MMAA: variants seen among roughly 807,000 people sequenced by gnomAD.
The protein encoded by MMAA is metabolism of cobalamin associated A.
MMAA carries 41 observed loss-of-function variants against 45.0 expected under a neutral mutation model. The ratio of observed to expected loss-of-function variants is 0.91; its 90% CI spans 0.71 to 1.18. The LOEUF is 1.18. MMAA is among the 50% of genes most tolerant of loss of function. The pLI is 0.00. For synonymous variants in MMAA, 154 were observed against 178.2 expected (o/e 0.86, Z 1.08); for missense variants, 460 against 495.7 (o/e 0.93, Z 0.68).
chr4:145,640,253 C>T (rs993784200), intron 2 of MMAA, among the ~76,000 whole-genome samples: 4 of 152,116 alleles, frequency 2.6e-5, no homozygotes, highest in Admixed American at 6.5e-5. Context: ...GCTAGGATTA[C>T]AGGCATGCAC....
chr4:145,649,923 A>G (rs773752806), intron 4 of MMAA, among the ~76,000 whole-genome samples: 24 of 152,144 alleles, frequency 1.6e-4, no homozygotes, highest in Non-Finnish European at 2.6e-4. Context: ...GACTACAGGT[A>G]TACCACCATG....
intron 1 of MMAA, among the ~76,000 whole-genome samples, chr4:145,635,388 A>G (rs926591214): frequency 3.9e-5 from 6 of 152,112 alleles, no homozygotes; most frequent in Non-Finnish European, 7.4e-5. Flanking sequence ...CAGAATTGCT[A>G]TCCCTCTCCC....
At chr4:145,649,534 A>G (rs771041624) in intron 4 of MMAA, among the ~76,000 whole-genome samples, 2 of 152,210 alleles carry the variant, frequency 1.3e-5, no homozygotes, top group Non-Finnish European at 2.9e-5. Context: ...GGGTGGCATA[A>G]GAGGTATAGC....
At chr4:145,636,153 C>T (rs1370682813) in intron 1 of MMAA, among the ~76,000 whole-genome samples, 2 of 152,208 alleles carry the variant, frequency 1.3e-5, no homozygotes, top group African/African-American at 4.8e-5. Flanking sequence ...AAGTTCAGAT[C>T]AGCAGCAGCT....
chr4:145,651,406 C>T (rs894831249), intron 5 of MMAA, among the ~76,000 whole-genome samples: 6 of 152,130 alleles, frequency 3.9e-5, no homozygotes, highest in Admixed American at 2.0e-4. Context: ...ATACATGGAT[C>T]GCTCCAGCCA....
intron 1 of MMAA, among the ~76,000 whole-genome samples, chr4:145,633,791 C>G (rs1005753106): frequency 6.6e-6 from 1 of 152,238 alleles, no homozygotes; most frequent in African/African-American, 2.4e-5. Flanking sequence ...GCCATATCTG[C>G]ATTTTGGGGC....
rs965827040 is a variant in MMAA, at chr4:145,639,506, C to T, written c.367C>T (p.Leu123Phe). The T allele has an allele frequency of 3.7e-6, 6 of 1,613,768 alleles. No homozygotes were observed. In the African/African-American group the frequency reaches 6.7e-5, roughly 18 times the overall value. Reference protein sequence around the residue: ...SRKKELAQVLLQKVLLYHREQ... With the variant: ...SRKKELAQVLFQKVLLYHREQ... ...GAAAAAGGAGTTAGCCCAGGTGCTT[C>T]TTCAGAAAGTATTACTTTACCACAG... is the stretch of plus-strand genomic sequence containing the variant. The change falls in exon 2 of 7, where the codon CTT becomes TTT. Residue 123 changes from leucine to phenylalanine, a missense_variant. Coordinates refer to ENST00000649156, the MANE Select transcript of MMAA (RefSeq NM_172250.3).
rs1029107050 is a variant in MMAA at position 145,658,373 on chromosome 4, A to G, written c.*2939A>G. 6.6e-5 allele frequency: 10 copies of G among 152,228 alleles called. No individual in the cohort carries two copies. Among genetic ancestry groups the G allele is most frequent in the Admixed American group, 1.3e-4 (2 of 15,290 alleles). The allele number at this position is 152,228 out of a possible 1,614,324, so 9.4% of individuals were successfully genotyped here. ...GTCCATCTTAAAAAGATAATTCTGA[A>G]AAAAATCTCATAGGTTCACTTTGCC... On this transcript the variant is annotated 3_prime_UTR_variant, in exon 7 of 7. Coordinates refer to ENST00000649156, the MANE Select transcript of MMAA (RefSeq NM_172250.3).
chr4:145,642,711 T>A (rs1320651019), intron 3 of MMAA: 1 of 546,078 alleles, frequency 1.8e-6, no homozygotes, highest in Non-Finnish European at 3.3e-6. Flanking sequence ...CTCAGAAAAC[T>A]GCGACAACAG....
At chr4:145,624,965 C>A in intron 1 of MMAA, 1 of 1,095,480 alleles carries the variant, frequency 9.1e-7, no homozygotes, top group Non-Finnish European at 1.4e-6. Flanking sequence ...GGGCTGGTTT[C>A]CCTGACAGTT....
intron 1 of MMAA, among the ~76,000 whole-genome samples, chr4:145,623,263 T>C (rs1379655563): frequency 3.9e-5 from 6 of 152,202 alleles, no homozygotes; most frequent in African/African-American, 1.4e-4. Flanking sequence ...TCCACTTCCA[T>C]TACCCAGGAT....
At position 145,659,890 on chromosome 4, in the gene MMAA, C is replaced by CAATA. The variant is rs1282961619; in HGVS notation, c.*4457_*4460dup. 6.6e-6 allele frequency: 1 copy of CAATA among 152,116 alleles called. No homozygotes were observed. Among genetic ancestry groups the CAATA allele is most frequent in the Non-Finnish European group, 1.5e-5 (1 of 68,020 alleles). 9.4% of individuals were successfully genotyped at this position (152,116 alleles called of 1,614,324 possible). On this transcript the variant is annotated 3_prime_UTR_variant, in exon 7 of 7. Coordinates refer to ENST00000649156, the MANE Select transcript of MMAA (RefSeq NM_172250.3). The stretch of plus-strand genomic sequence containing the variant: ...TGCGAACCATAGTCACCCTACTGTG[C>CAATA]AATAGAACACCTGAACTTATTCCTC...
intron 1 of MMAA, among the ~76,000 whole-genome samples, chr4:145,633,121 T>G (rs933618130): frequency 2.0e-5 from 3 of 151,718 alleles, no homozygotes; most frequent in African/African-American, 4.8e-5. Context: ...AGTATGCCAG[T>G]TGCATTTAAT....
chr4:145,643,185 T>A (rs186837453), intron 3 of MMAA, among the ~76,000 whole-genome samples: 68 of 152,186 alleles, frequency 4.5e-4, no homozygotes, highest in Non-Finnish European at 4.4e-4. Flanking sequence ...ACAGGAAAGG[T>A]TTTTTCTTCC....
chr4:145,655,360 A>T lies in MMAA; in HGVS notation c.1183A>T (p.Lys395Ter). 1 of 1,614,204 alleles carries T rather than the reference A, an allele frequency of 6.2e-7. No individual in the cohort carries two copies. The highest frequency in any genetic ancestry group is 8.5e-7 in the Non-Finnish European group (1 of 1,180,024). The change falls in exon 7 of 7, where the codon AAG becomes TAG. Residue 395 changes from lysine to a stop codon, truncating the protein, a stop_gained. Coordinates refer to ENST00000649156, the MANE Select transcript of MMAA (RefSeq NM_172250.3). LOFTEE classifies it high-confidence loss of function. ...GGAACAGATTCCACTTCTGGAACAA[A>T]AGGTTCTCATTGGGGCCCTGTCCCC... ...VREQIPLLEQKVLIGALSPGL... is the reference protein window; with the variant it reads ...VREQIPLLEQ
chr4:145,633,196 CTTTTTTTT>C (rs941603291), intron 1 of MMAA, among the ~76,000 whole-genome samples: 2 of 88,474 alleles, frequency 2.3e-5, no homozygotes, highest in African/African-American at 9.9e-5. Context: ...ATTTCTTTTT[CTTTTTTTT>C]TTTTTTTTTT....
intron 3 of MMAA, among the ~76,000 whole-genome samples, chr4:145,643,611 C>T (rs1440333256): frequency 6.6e-6 from 1 of 152,050 alleles, no homozygotes; most frequent in Non-Finnish European, 1.5e-5. Context: ...ATTTTTGAGT[C>T]ACTATAATAA....
chr4:145,646,289 C>T, intron 4 of MMAA, 133 bp downstream of exon 4: 1 of 992,736 alleles, frequency 1.0e-6, no homozygotes, highest in South Asian at 1.5e-5. Flanking sequence ...TCCCATACTC[C>T]CTAGAAGATA....
At chr4:145,646,187 T>C in intron 4 of MMAA, 31 bp downstream of exon 4, 1 of 1,612,896 alleles carries the variant, frequency 6.2e-7, no homozygotes, top group Non-Finnish European at 8.5e-7. Context: ...CATAACAATG[T>C]ACTATTTTAT....
Sources: allele counts gnomAD v4.1 joint callset (sites outside exome capture counted in the v4.1 genomes callset), GRCh38; gene constraint gnomAD v4.1.1; transcripts MANE v1.5; gene names NCBI Gene and HGNC (gene_info 2026-07-23, HGNC 2026-07-21).